Variants in TIAM1 observed in about 807,000 individuals in gnomAD.
TIAM1 encodes TIAM Rac1 associated GEF 1.
Under a neutral mutation model 163.5 loss-of-function variants are expected in TIAM1, and 65 were observed. The observed-to-expected ratio is 0.40, with a 90% CI of 0.33 to 0.49. TIAM1 has a LOEUF of 0.49. Ranked by LOEUF, TIAM1 falls within the 20% of genes least tolerant of loss-of-function variation. TIAM1 has a pLI of 0.77. For synonymous variants in TIAM1, 833 were observed against 810.1 expected, an observed-to-expected ratio of 1.03 and a Z score of -0.48; for missense variants, 1,789 against 2,044.7, an observed-to-expected ratio of 0.87 and a Z score of 2.41.
chr21:31,442,762 G>A (rs549507575), intron 2 of TIAM1, among the ~76,000 whole-genome samples: 6 of 152,342 alleles, frequency 3.9e-5, no homozygotes, highest in African/African-American at 1.4e-4. Flanking sequence ...AGGGCTCAGA[G>A]GAGCCTGACT....
chr21:31,403,525 A>G (rs2077200518), intron 2 of TIAM1, among the ~76,000 whole-genome samples: 1 of 152,172 alleles, frequency 6.6e-6, no homozygotes, highest in African/African-American at 2.4e-5. Flanking sequence ...TTTGAAGAAA[A>G]TCTACCAAGC....
intron 2 of TIAM1, among the ~76,000 whole-genome samples, chr21:31,309,392 A>T (rs2074838440): frequency 6.6e-6 from 1 of 152,204 alleles, no homozygotes; most frequent in East Asian, 1.9e-4. Flanking sequence ...TCCAAGGCTG[A>T]GGTTGCAGGG....
Position 31,148,031 on chromosome 21 carries a change from T to G in TIAM1, c.3367-1028A>C, listed in dbSNP as rs770703013. The stretch of plus-strand genomic sequence containing the variant: ...AAAAAAAAAAAAAAAAAAAAAAAGG[T>G]TTATTTTAAACCATACATAATTGGT... On this transcript the variant is annotated intron_variant, in intron 19 of 27. Transcript: ENST00000541036. 6.5e-3 allele frequency among the ~76,000 whole-genome samples: 867 copies of G among 133,100 alleles called. 4 individuals are homozygous for G. The highest frequency in any genetic ancestry group is 9.5e-3 in the Admixed American group (116 of 12,266). 87.3% of individuals were successfully genotyped at this position (133,100 alleles called of 152,430 possible).
In TIAM1 at chr21:31,120,672, G is replaced by A; in HGVS notation, c.4472C>T (p.Ala1491Val). The change falls in exon 28 of 28, where the codon GCT becomes GTT. Residue 1491 changes from alanine (A) to valine (V), a missense_variant. Physicochemically the swap from Ala to Val is moderately conservative, Grantham distance 64 (BLOSUM62 0). Coordinates refer to ENST00000541036, the MANE Select transcript of TIAM1 (RefSeq NM_001353694.2). This position sits in a 1 kb window ranked among gnomAD's most constrained non-coding sequence, Gnocchi z 4.2. ...DRWVEEQFDL[A>V]QYEEQDDIKE... Reference sequence around the variant, plus strand: ...GATGTCATCTTGCTCCTCATACTGAGCAAGATCAAACTGCTCCTCTACCCA... The same window carrying A: ...GATGTCATCTTGCTCCTCATACTGAACAAGATCAAACTGCTCCTCTACCCA... 1.2e-6 allele frequency: 2 copies of A among 1,614,040 alleles called. No individual in the cohort carries two copies. The highest frequency in any genetic ancestry group is 1.7e-6 in the Non-Finnish European group (2 of 1,180,028).
At chr21:31,460,356 G>A (rs905876776) in intron 2 of TIAM1, among the ~76,000 whole-genome samples, 1 of 152,226 alleles carries the variant, frequency 6.6e-6, no homozygotes, top group African/African-American at 2.4e-5. Context: ...GTTGGGCGTG[G>A]TGGCTCACAC....
intron 13 of TIAM1, among the ~76,000 whole-genome samples, chr21:31,190,642 G>T (rs779719288): frequency 6.6e-6 from 1 of 152,076 alleles, no homozygotes; most frequent in Non-Finnish European, 1.5e-5. Context: ...CTGAAATGAC[G>T]CATCCTTCTA....
At chr21:31,521,778 A>ACACACACACACACAC (rs56988265) in intron 1 of TIAM1, among the ~76,000 whole-genome samples, 11 of 151,184 alleles carry the variant, frequency 7.3e-5, no homozygotes, top group South Asian at 2.1e-4. Context: ...ACACACACAC[A>ACACACACACACACAC]AAGTAAAGGA....
chr21:31,161,753 C>T (rs2083932744), intron 16 of TIAM1, among the ~76,000 whole-genome samples: 1 of 152,220 alleles, frequency 6.6e-6, no homozygotes, highest in African/African-American at 2.4e-5. Context: ...CATCTCTACA[C>T]TCAGCCTCGT....
At chr21:31,273,541 G>C (rs1354566674) in intron 3 of TIAM1, among the ~76,000 whole-genome samples, 2 of 152,144 alleles carry the variant, frequency 1.3e-5, no homozygotes, top group African/African-American at 4.8e-5. Context: ...AAACTGAACT[G>C]ACATTAGAGC....
chr21:31,328,396 G>A (rs2075564919), intron 2 of TIAM1, among the ~76,000 whole-genome samples: 1 of 152,008 alleles, frequency 6.6e-6, no homozygotes, highest in African/African-American at 2.4e-5. Context: ...TTTGAGACAA[G>A]GTGTCACTCT....
At chr21:31,223,984 G>A (rs893464114) in intron 7 of TIAM1, among the ~76,000 whole-genome samples, 3 of 152,190 alleles carry the variant, frequency 2.0e-5, no homozygotes, top group Non-Finnish European at 4.4e-5. Flanking sequence ...TGAAAGGCTA[G>A]AAGCAATGGA....
intron 2 of TIAM1, among the ~76,000 whole-genome samples, chr21:31,299,276 C>A (rs1442420611): frequency 1.3e-5 from 2 of 152,196 alleles, no homozygotes; most frequent in African/African-American, 4.8e-5. Flanking sequence ...TCCCCTATGC[C>A]TTTCGCAGCC....
At chr21:31,380,312 G>T (rs1273485161) in intron 2 of TIAM1, among the ~76,000 whole-genome samples, 1 of 151,882 alleles carries the variant, frequency 6.6e-6, no homozygotes, top group Non-Finnish European at 1.5e-5. Flanking sequence ...GGGAGGCCGA[G>T]GTGGGTGGAT....
chr21:31,296,877 A>C (rs187765923), intron 2 of TIAM1, among the ~76,000 whole-genome samples: 16 of 152,212 alleles, frequency 1.1e-4, no homozygotes, highest in Middle Eastern at 6.8e-3. Context: ...GTTAGCCAGG[A>C]TGGTCTTGAT....
At chr21:31,543,342 C>T (rs565012052) in intron 1 of TIAM1, among the ~76,000 whole-genome samples, 106 of 152,330 alleles carry the variant, frequency 7.0e-4, no homozygotes, top group African/African-American at 2.5e-3. Context: ...GTCATGCGTG[C>T]GTACAGACTG....
In TIAM1 at chr21:31,141,648, G is replaced by T. The variant is rs1469607995; in HGVS notation, c.3476-144C>A. On this transcript the variant is annotated intron_variant, in intron 20 of 27. Transcript: ENST00000541036. The surrounding 1 kb of genome is among the most constrained non-coding windows in gnomAD (Gnocchi z 4.7). ...GGTGGCAGGAAGAGGGACAGGTAGG[G>T]GAGGGGGCAGTCAGGGAGACCACAG... 2.4e-6 allele frequency: 2 copies of T among 850,850 alleles called. No homozygotes were observed. The highest frequency in any genetic ancestry group is 1.7e-5 in the African/African-American group (1 of 58,894). The allele number at this position is 850,850 out of a possible 1,614,324, so 52.7% of individuals were successfully genotyped here.
At chr21:31,336,563 C>T (rs747747793) in intron 2 of TIAM1, among the ~76,000 whole-genome samples, 10 of 148,094 alleles carry the variant, frequency 6.8e-5, no homozygotes, top group Non-Finnish European at 1.0e-4. Flanking sequence ...CTGGAAGCAA[C>T]GTTGACATTT....
intron 2 of TIAM1, among the ~76,000 whole-genome samples, chr21:31,378,974 T>C (rs942920623): frequency 1.6e-4 from 25 of 152,118 alleles, no homozygotes; most frequent in African/African-American, 6.0e-4. Flanking sequence ...ATTTGTTTTA[T>C]TTTGTTTTTT....
intron 2 of TIAM1, chr21:31,452,917 T>C (rs775954383): frequency 2.0e-4 from 103 of 514,478 alleles, no homozygotes; most frequent in Non-Finnish European, 3.7e-4. Context: ...GGCCTAGATA[T>C]TGGGAGAAAC....
Sources: gnomAD v4.1 joint callset for allele counts (sites outside exome capture counted in the v4.1 genomes callset) on GRCh38, gnomAD v4.1.1 for gene constraint, Gnocchi (gnomAD v3.1) non-coding constraint, MANE v1.5 for transcripts, NCBI Gene and HGNC (gene_info 2026-07-23, HGNC 2026-07-21) for gene names.